Variants in PGPEP1 observed in about 807,000 individuals in gnomAD.
The protein encoded by PGPEP1 is pyroglutamyl-peptidase I.
PGPEP1 carries 15 observed loss-of-function variants against 24.1 expected under a neutral mutation model. The ratio of observed to expected loss-of-function variants is 0.62; its 90% CI spans 0.42 to 0.96. The LOEUF is 0.96. Among genes scored for constraint, PGPEP1 ranks in the 40% least tolerant of loss-of-function variants. The pLI is 0.00. For missense variants in PGPEP1, 242 were observed against 273.4 expected (o/e 0.89, Z 0.81); for synonymous variants, 122 against 116.4 (o/e 1.05, Z -0.31).
At chr19:18,363,114 G>C (rs1204624015) in intron 4 of PGPEP1, among the ~76,000 whole-genome samples, 1 of 150,624 alleles carries the variant, frequency 6.6e-6, no homozygotes, top group African/African-American at 2.4e-5. Context: ...TGAGTGCAGT[G>C]GTGCAATCAT....
chr19:18,343,220 G>A (rs574614265), intron 2 of PGPEP1, among the ~76,000 whole-genome samples: 2 of 151,746 alleles, frequency 1.3e-5, no homozygotes, highest in Non-Finnish European at 2.9e-5. Flanking sequence ...GGCTGGTCTC[G>A]AACTCCTGAC....
chr19:18,362,410 AAAAT>A (rs1471137462), intron 4 of PGPEP1, among the ~76,000 whole-genome samples: 4 of 149,402 alleles, frequency 2.7e-5, no homozygotes, highest in Non-Finnish European at 3.0e-5. Flanking sequence ...CCGTCTCAAA[AAAAT>A]AAATAAATAA....
intron 2 of PGPEP1, among the ~76,000 whole-genome samples, chr19:18,352,203 C>T (rs149920727): frequency 0.095 from 13,041 of 137,562 alleles, 854 homozygotes; most frequent in Middle Eastern, 0.22. Context: ...ACCCGGGAGG[C>T]GGAGCTTGCA....
At position 18,366,053 on chromosome 19, in the gene PGPEP1, G is replaced by A. The variant is rs773314971; in HGVS notation, c.*2470G>A. The stretch of plus-strand genomic sequence containing the variant: ...GTGAAGGGAAGCTGTGGCCTCTTTT[G>A]AATGTGGGGAACAACTGAAGACTCA... On this transcript the variant is annotated 3_prime_UTR_variant, in exon 5 of 5. Coordinates refer to ENST00000269919, the MANE Select transcript of PGPEP1 (RefSeq NM_017712.4). The A allele has an allele frequency of 3.3e-5, 5 of 152,166 alleles. No individual in the cohort carries two copies. Among genetic ancestry groups the A allele is most frequent in the Non-Finnish European group, 7.3e-5 (5 of 68,074 alleles). 9.4% of individuals were successfully genotyped at this position (152,166 alleles called of 1,614,324 possible).
At position 18,342,906 on chromosome 19, in the gene PGPEP1, G is replaced by T; in HGVS notation, c.82G>T (p.Val28Phe). The T allele has an allele frequency of 6.2e-7, 1 of 1,612,866 alleles. No individual in the cohort carries two copies. The highest frequency in any genetic ancestry group is 8.5e-7 in the Non-Finnish European group (1 of 1,178,870). Residue 28 changes from valine (V) to phenylalanine (F), a missense_variant, in exon 2 of 5, where the codon GTT becomes TTT. Coordinates refer to ENST00000269919, the MANE Select transcript of PGPEP1 (RefSeq NM_017712.4). ...CACCGTGAACGCCAGTTGGATTGCA[G>T]TTCAGGTAACTTAGATCCGGAGGGT... ...EHTVNASWIA[V>F]QELEKLGLGD... is the part of the protein sequence containing the mutation.
At chr19:18,342,998 A>G in intron 2 of PGPEP1, 87 bp downstream of exon 2, 1 of 1,020,058 alleles carries the variant, frequency 9.8e-7, no homozygotes, top group East Asian at 2.4e-5. Context: ...CCCTTTTAAC[A>G]AAAACTTTTT....
At chr19:18,340,976 CT>C (rs1280536888) in intron 1 of PGPEP1, among the ~76,000 whole-genome samples, 1 of 152,064 alleles carries the variant, frequency 6.6e-6, no homozygotes, top group Non-Finnish European at 1.5e-5. Flanking sequence ...GCAGGCCCCC[CT>C]GGCGTCCTTT....
rs552981057 is a variant in PGPEP1 at position 18,358,283 on chromosome 19, G to A, written c.437+668G>A. On this transcript the variant is annotated intron_variant, in intron 4 of 4. Transcript: ENST00000269919. ...TTTTTTTTTTTTTTTTTTTTGAGAC[G>A]GAGTTTTGCTCTTGTTGCCCAGCCT... Among the ~76,000 whole-genome samples the A allele has an allele frequency of 9.4e-5, 12 of 127,854 alleles. No homozygotes were observed. The East Asian group carries it at 1.2e-3, about 13-fold the overall frequency. The allele number at this position is 127,854 out of a possible 152,430, so 83.9% of individuals were successfully genotyped here.
chr19:18,341,318 CTGTT>C (rs530323629), intron 1 of PGPEP1, among the ~76,000 whole-genome samples: 167 of 152,282 alleles, frequency 1.1e-3, no homozygotes, highest in Middle Eastern at 3.4e-3. Context: ...TGTGCCAGGG[CTGTT>C]TGTTGGTGAG....
At position 18,364,690 on chromosome 19, in the gene PGPEP1, C is replaced by G. The variant is rs1367426310; in HGVS notation, c.*1107C>G. ...GCCCCCTTGCTTAAGGCATGGGGTC[C>G]GTGGCCAGGCAACGGGGTGGGACTG... On this transcript the variant is annotated 3_prime_UTR_variant, in exon 5 of 5. Coordinates refer to ENST00000269919, the MANE Select transcript of PGPEP1 (RefSeq NM_017712.4). 3.3e-5 allele frequency: 5 copies of G among 152,142 alleles called. No homozygotes were observed. In the South Asian group the frequency reaches 1.0e-3, roughly 31 times the overall value. 9.4% of individuals were successfully genotyped at this position (152,142 alleles called of 1,614,324 possible).
chr19:18,362,726 C>CAAAAAAAAA (rs71166506), intron 4 of PGPEP1, among the ~76,000 whole-genome samples: 1 of 85,874 alleles, frequency 1.2e-5, no homozygotes. Context: ...GACTCTGTCT[C>CAAAAAAAAA]AAAAAAAAAA....
In PGPEP1 at chr19:18,357,635, G is replaced by GA; in HGVS notation, c.437+21dup. On this transcript the variant is annotated intron_variant, in intron 4 of 4. Transcript: ENST00000269919. ...CGGCAGGTAGGGCCCTGTGGGGTGGGAGTGAGTGGGGATTTCCCTCCTCCA... is the reference window on the plus strand; with the variant it reads ...CGGCAGGTAGGGCCCTGTGGGGTGGGAAGTGAGTGGGGATTTCCCTCCTCCA... The GA allele has an allele frequency of 6.5e-7, 1 of 1,537,802 alleles. No individual in the cohort carries two copies. Among genetic ancestry groups the GA allele is most frequent in the Non-Finnish European group, 8.9e-7 (1 of 1,125,938 alleles).
At chr19:18,348,937 A>G (rs2144543367) in intron 2 of PGPEP1, 1 of 175,600 alleles carries the variant, frequency 5.7e-6, no homozygotes, top group South Asian at 1.9e-4. Context: ...TTTAAATTTT[A>G]TTTTTTGTAG....
chr19:18,351,128 G>A (rs185351249), intron 2 of PGPEP1, among the ~76,000 whole-genome samples: 20 of 151,728 alleles, frequency 1.3e-4, no homozygotes, highest in Non-Finnish European at 2.7e-4. Context: ...AAAAATAAGC[G>A]GGGCATGGTG....
chr19:18,344,553 A>AC (rs5827410), intron 2 of PGPEP1, among the ~76,000 whole-genome samples: 42,355 of 144,034 alleles, frequency 0.29, 6,798 homozygotes, highest in African/African-American at 0.39. Context: ...TCACCCCCTC[A>AC]TCCCCAACTT....
At chr19:18,345,402 C>T (rs1280818863) in intron 2 of PGPEP1, among the ~76,000 whole-genome samples, 2 of 151,384 alleles carry the variant, frequency 1.3e-5, no homozygotes, top group Non-Finnish European at 2.9e-5. Context: ...TTCACTTAAA[C>T]AAAACAAAAC....
intron 2 of PGPEP1, among the ~76,000 whole-genome samples, chr19:18,343,839 C>T (rs941619867): frequency 9.2e-5 from 14 of 151,876 alleles, no homozygotes; most frequent in African/African-American, 1.5e-4. Flanking sequence ...CCTGCTACCA[C>T]GCCTGGCTAC....
chr19:18,342,314 T>C (rs1019445), intron 1 of PGPEP1, among the ~76,000 whole-genome samples: 131,656 of 152,122 alleles, frequency 0.87, 57,665 homozygotes, highest in Non-Finnish European at 0.93. Flanking sequence ...AAACTGGGCC[T>C]AGGAAACACC....
rs199513373 is a variant in PGPEP1, at chr19:18,357,378, T to C, written c.205-5T>C. ...ATGTTAAGTCCTGCCCCTGTCTGTG[T>C]GCAGCTGGTGGTGCATGTGGGGGTG... On this transcript the variant is annotated splice_region_variant and splice_polypyrimidine_tract_variant and intron_variant, in intron 3 of 4. Coordinates refer to ENST00000269919, the MANE Select transcript of PGPEP1 (RefSeq NM_017712.4). 2.0e-5 allele frequency: 33 copies of C among 1,611,602 alleles called. No homozygotes were observed. The East Asian group carries it at 3.6e-4, about 17-fold the overall frequency.
Sources: allele counts gnomAD v4.1 joint callset (sites outside exome capture counted in the v4.1 genomes callset), GRCh38; gene constraint gnomAD v4.1.1; transcripts MANE v1.5; gene names NCBI Gene and HGNC (gene_info 2026-07-23, HGNC 2026-07-21).